Variants in DLG2 observed in about 807,000 individuals in gnomAD.
DLG2 encodes the protein disks large homolog 2.
Under a neutral mutation model 132.5 loss-of-function variants are expected in DLG2, and 45 were observed. The ratio of observed to expected loss-of-function variants is 0.34; its 90% CI spans 0.27 to 0.44. The LOEUF (loss-of-function observed/expected upper bound fraction) is 0.44, where lower values mean the gene tolerates loss of function less well. Ranked by LOEUF, DLG2 falls within the 20% of genes least tolerant of loss-of-function variation. The probability of loss-of-function intolerance (pLI) is 1.00; values close to 1 mark genes in which losing one functional copy is unlikely to be tolerated. For synonymous variants in DLG2, 424 were observed against 419.6 expected (o/e 1.01, Z -0.13); for missense variants, 1,045 against 1,196.9 (o/e 0.87, Z 1.87).
At chr11:84,122,457 C>G (rs905076538) in intron 9 of DLG2, among the ~76,000 whole-genome samples, 1 of 152,128 alleles carries the variant, frequency 6.6e-6, no homozygotes, top group Non-Finnish European at 1.5e-5. Flanking sequence ...ACCAGTGATG[C>G]CTGTCTTCAC....
At chr11:83,651,292 G>T (rs925972649) in intron 18 of DLG2, among the ~76,000 whole-genome samples, 1 of 152,094 alleles carries the variant, frequency 6.6e-6, no homozygotes, top group South Asian at 2.1e-4. Context: ...GTGACCAGGG[G>T]CAAATTACTT....
At chr11:83,916,314 T>A (rs1010630741) in intron 15 of DLG2, among the ~76,000 whole-genome samples, 7 of 151,910 alleles carry the variant, frequency 4.6e-5, no homozygotes, top group African/African-American at 1.5e-4. Context: ...TAGGGTTTTT[T>A]TTTTGTTTTT....
intron 6 of DLG2, among the ~76,000 whole-genome samples, chr11:84,862,765 A>G (rs1167496552): frequency 6.9e-6 from 1 of 144,160 alleles, no homozygotes; most frequent in African/African-American, 2.5e-5. Flanking sequence ...TAGGAGCTGA[A>G]AAATGAGAAC....
intron 7 of DLG2, among the ~76,000 whole-genome samples, chr11:84,260,647 C>G (rs76474151): frequency 0.05 from 7,616 of 152,242 alleles, 279 homozygotes; most frequent in Non-Finnish European, 0.076. Context: ...TTGTTTACTC[C>G]TTACAGAACC....
rs540957852 is a variant in DLG2, at chr11:85,259,142, G to A, written c.186+26078C>T. ...ACCAGTGTTGGAGGTGGGGCCTAGTGAGAGGTCATTGGATTATGGGGCTGG... is the reference window on the plus strand; with the variant it reads ...ACCAGTGTTGGAGGTGGGGCCTAGTAAGAGGTCATTGGATTATGGGGCTGG... On this transcript the variant is annotated intron_variant, in intron 4 of 27. Transcript: ENST00000376104. 5.9e-5 allele frequency among the ~76,000 whole-genome samples: 9 copies of A among 152,202 alleles called. No individual in the cohort carries two copies. In the South Asian group the frequency reaches 1.9e-3, roughly 32 times the overall value.
chr11:84,354,913 G>C (rs1175176209), intron 7 of DLG2, among the ~76,000 whole-genome samples: 4 of 152,152 alleles, frequency 2.6e-5, no homozygotes, highest in Admixed American at 6.5e-5. Flanking sequence ...CAACATCAGA[G>C]GGTATGGGAC....
At chr11:83,717,856 G>T (rs945348308) in intron 18 of DLG2, among the ~76,000 whole-genome samples, 2 of 152,200 alleles carry the variant, frequency 1.3e-5, no homozygotes, top group African/African-American at 4.8e-5. Flanking sequence ...GGAGCCAGGT[G>T]CTAGGTTACA....
chr11:84,314,091 T>C lies in DLG2; in HGVS notation c.520-62800A>G, dbSNP rs562381399. On this transcript the variant is annotated intron_variant, in intron 7 of 27. Transcript: ENST00000376104. ...TTAGGAGGAACTCAAGTCATTACTA[T>C]GGCCCTCTGTTATAGCAGCTGGAAA... Among the ~76,000 whole-genome samples, 4 of 152,326 alleles carry C rather than the reference T, an allele frequency of 2.6e-5. No homozygotes were observed. In the South Asian group the frequency reaches 6.2e-4, roughly 24 times the overall value.
chr11:85,538,549 A>T (rs190260365), intron 3 of DLG2, among the ~76,000 whole-genome samples: 93 of 152,068 alleles, frequency 6.1e-4, no homozygotes, highest in Non-Finnish European at 1.2e-3. Context: ...CCATATGTCC[A>T]TTGCAGCACT....
chr11:84,250,079 A>G (rs2097352054), intron 8 of DLG2, among the ~76,000 whole-genome samples: 1 of 152,214 alleles, frequency 6.6e-6, no homozygotes, highest in African/African-American at 2.4e-5. Context: ...CATCTCTCAA[A>G]AGGCAGCCTA....
intron 8 of DLG2, among the ~76,000 whole-genome samples, chr11:84,234,785 C>T (rs1316160996): frequency 6.6e-6 from 1 of 152,042 alleles, no homozygotes; most frequent in Non-Finnish European, 1.5e-5. Flanking sequence ...GAGAGCAGGC[C>T]CTGAAAGAAA....
At chr11:85,082,898 T>C (rs1593852923) in intron 6 of DLG2, among the ~76,000 whole-genome samples, 1 of 152,062 alleles carries the variant, frequency 6.6e-6, no homozygotes, top group African/African-American at 2.4e-5. Context: ...ATACAATTAC[T>C]GAGCCATTCT....
chr11:84,503,526 A>G (rs1471769904), intron 7 of DLG2, among the ~76,000 whole-genome samples: 1 of 152,148 alleles, frequency 6.6e-6, no homozygotes, highest in Non-Finnish European at 1.5e-5. Flanking sequence ...CTTAGGACCA[A>G]GCTTCTTGGC....
intron 9 of DLG2, among the ~76,000 whole-genome samples, chr11:84,126,142 T>C (rs1006349560): frequency 6.6e-6 from 1 of 152,138 alleles, no homozygotes; most frequent in African/African-American, 2.4e-5. Context: ...ACAGTAACCA[T>C]TGCAGGGTGG....
At chr11:83,982,480 T>TA (rs58418988) in intron 11 of DLG2, among the ~76,000 whole-genome samples, 17,283 of 68,434 alleles carry the variant, frequency 0.25, 1,522 homozygotes, top group East Asian at 0.42. Context: ...GTTTAACGTG[T>TA]AAAAAAAAAA....
intron 2 of DLG2, among the ~76,000 whole-genome samples, chr11:85,615,734 CT>C: frequency 6.6e-6 from 1 of 152,136 alleles, no homozygotes; most frequent in South Asian, 2.1e-4. Context: ...GAGAAATAAT[CT>C]TAATAAGAAA....
intron 6 of DLG2, among the ~76,000 whole-genome samples, chr11:84,777,392 T>A (rs1198712902): frequency 6.7e-6 from 1 of 148,634 alleles, no homozygotes; most frequent in Non-Finnish European, 1.5e-5. Flanking sequence ...CTATTGTGAA[T>A]AGTGCTGTGA....
At chr11:85,382,043 G>A (rs1024489942) in intron 3 of DLG2, among the ~76,000 whole-genome samples, 2 of 152,034 alleles carry the variant, frequency 1.3e-5, no homozygotes, top group Non-Finnish European at 2.9e-5. Flanking sequence ...AAATTCATAC[G>A]GAAATGCATG....
chr11:84,667,946 G>A (rs1403122637), intron 6 of DLG2, among the ~76,000 whole-genome samples: 1 of 152,076 alleles, frequency 6.6e-6, no homozygotes. Context: ...TAATAATTGA[G>A]CAACTTTTGA....
Sources: gnomAD v4.1 joint callset for allele counts (sites outside exome capture counted in the v4.1 genomes callset) on GRCh38, gnomAD v4.1.1 for gene constraint, MANE v1.5 for transcripts, NCBI Gene and HGNC (gene_info 2026-07-23, HGNC 2026-07-21) for gene names.